The following MAML2 variants were observed in gnomAD, a reference collection of about 807,000 sequenced individuals.
MAML2 encodes mastermind like transcriptional coactivator 2.
MAML2 carries 22 observed loss-of-function variants against 96.1 expected under a neutral mutation model. The observed-to-expected ratio is 0.23, with a 90% CI of 0.16 to 0.33. The LOEUF is 0.33. Among genes scored for constraint, MAML2 ranks in the 10% least tolerant of loss-of-function variants. The pLI is 1.00. For missense variants in MAML2, 1,367 were observed against 1,392.4 expected, an observed-to-expected ratio of 0.98 and a Z score of 0.29; for synonymous variants, 561 against 521.3, an observed-to-expected ratio of 1.08 and a Z score of -1.04.
chr11:96,326,358 CGTGTGT>C (rs35138919), intron 1 of MAML2, among the ~76,000 whole-genome samples: 8,206 of 147,690 alleles, frequency 0.056, 391 homozygotes, highest in East Asian at 0.26. Context: ...CACACTAAAG[CGTGTGT>C]GTGTGTGTGT....
chr11:96,004,276 G>GA (rs11433984), intron 2 of MAML2, among the ~76,000 whole-genome samples: 37,194 of 151,978 alleles, frequency 0.24, 4,937 homozygotes, highest in East Asian at 0.44. Context: ...GGAGTCTAAA[G>GA]AGGGGTAAAT....
intron 1 of MAML2, among the ~76,000 whole-genome samples, chr11:96,288,324 C>G (rs1863166281): frequency 6.6e-6 from 1 of 151,892 alleles, no homozygotes; most frequent in South Asian, 2.1e-4. Context: ...GGTGGATCAC[C>G]TGAGGTCAGG....
rs189277030 is a variant in MAML2 at position 96,331,523 on chromosome 11, G to A, written c.513+9860C>T. ...AAAAAAATGAGCTTTAAGGCCAGGCGCAGTGCCTCACGCCTGTAATCCCAG... is the reference window on the plus strand; with the variant it reads ...AAAAAAATGAGCTTTAAGGCCAGGCACAGTGCCTCACGCCTGTAATCCCAG... On this transcript the variant is annotated intron_variant, in intron 1 of 4. Coordinates refer to ENST00000524717, the MANE Select transcript of MAML2 (RefSeq NM_032427.4). Among the ~76,000 whole-genome samples the A allele has an allele frequency of 3.4e-3, 521 of 152,036 alleles. 3 individuals carry two copies. The highest frequency in any genetic ancestry group is 0.017 in the Middle Eastern group (5 of 294).
At chr11:96,070,215 G>A (rs576679739) in intron 2 of MAML2, among the ~76,000 whole-genome samples, 36 of 151,992 alleles carry the variant, frequency 2.4e-4, no homozygotes, top group Admixed American at 3.9e-4. Flanking sequence ...GCGTGAACCC[G>A]GAAGGCAGAG....
In MAML2 at chr11:96,075,152, T is replaced by G. The variant is rs1041856978; in HGVS notation, c.2139+16740A>C. Among the ~76,000 whole-genome samples, 18 of 152,338 alleles carry G rather than the reference T, an allele frequency of 1.2e-4. No homozygotes were observed. The East Asian group carries it at 3.1e-3, about 26-fold the overall frequency. The stretch of plus-strand genomic sequence containing the variant: ...TAATACATAGATTCCCTAGAGAGGA[T>G]ATTGATAATATTTCATGTTTTCCTC... On this transcript the variant is annotated intron_variant, in intron 2 of 4. Transcript: ENST00000524717.
intron 1 of MAML2, among the ~76,000 whole-genome samples, chr11:96,282,850 C>T (rs1177678323): frequency 1.3e-5 from 2 of 152,202 alleles, no homozygotes; most frequent in African/African-American, 4.8e-5. Flanking sequence ...CAGTCATCCT[C>T]CTCCTTCTCC....
intron 2 of MAML2, among the ~76,000 whole-genome samples, chr11:96,072,169 T>C (rs889158900): frequency 6.6e-6 from 1 of 152,216 alleles, no homozygotes; most frequent in Non-Finnish European, 1.5e-5. Context: ...ATTTCCAACA[T>C]GCAGTGTTCT....
chr11:96,338,141 G>A (rs778895179), intron 1 of MAML2, among the ~76,000 whole-genome samples: 1 of 152,236 alleles, frequency 6.6e-6, no homozygotes, highest in Admixed American at 6.5e-5. Flanking sequence ...GATTAATAAT[G>A]TACCACAGAA....
chr11:96,139,794 A>G (rs958930311), intron 1 of MAML2, among the ~76,000 whole-genome samples: 2 of 152,200 alleles, frequency 1.3e-5, no homozygotes, highest in African/African-American at 2.4e-5. Flanking sequence ...AAAGACCAAA[A>G]TAATACAAAA....
At chr11:96,166,453 C>T (rs183568390) in intron 1 of MAML2, among the ~76,000 whole-genome samples, 11 of 152,262 alleles carry the variant, frequency 7.2e-5, no homozygotes, top group African/African-American at 2.6e-4. Context: ...TGTTTCTGCT[C>T]TGAGGGTGTG....
intron 1 of MAML2, among the ~76,000 whole-genome samples, chr11:96,260,423 A>C (rs1862732144): frequency 6.6e-6 from 1 of 152,154 alleles, no homozygotes; most frequent in South Asian, 2.1e-4. Flanking sequence ...CTAAAGCAAT[A>C]CATTTTTTTC....
chr11:96,237,716 T>C lies in MAML2; in HGVS notation c.513+103667A>G, dbSNP rs1862383718. On this transcript the variant is annotated intron_variant, in intron 1 of 4. Coordinates refer to ENST00000524717, the MANE Select transcript of MAML2 (RefSeq NM_032427.4). ...GTAATTGTCGTGTATTGAATCTGGC[T>C]GTGGATACAACACATTCGGAAAACT... is the stretch of plus-strand genomic sequence containing the variant. Among the ~76,000 whole-genome samples the C allele has an allele frequency of 5.2e-5, 8 of 152,382 alleles. 1 individual carries two copies. The South Asian group carries it at 1.7e-3, about 32-fold the overall frequency.
chr11:96,203,568 G>A (rs1861855516), intron 1 of MAML2, among the ~76,000 whole-genome samples: 1 of 152,268 alleles, frequency 6.6e-6, no homozygotes, highest in South Asian at 2.1e-4. Context: ...ACAAAAAAAA[G>A]TAAAAGAAAA....
chr11:96,308,773 T>G (rs1033959052), intron 1 of MAML2, among the ~76,000 whole-genome samples: 1 of 152,238 alleles, frequency 6.6e-6, no homozygotes, highest in Non-Finnish European at 1.5e-5. Context: ...TTTGCTTGTT[T>G]CTTATATGTC....
intron 3 of MAML2, among the ~76,000 whole-genome samples, chr11:95,990,146 T>C (rs1857887886): frequency 6.6e-6 from 1 of 152,188 alleles, no homozygotes; most frequent in African/African-American, 2.4e-5. Flanking sequence ...TCTCTTACTT[T>C]TTATACTTTT....
intron 1 of MAML2, among the ~76,000 whole-genome samples, chr11:96,126,685 T>C (rs768388254): frequency 3.9e-5 from 6 of 152,176 alleles, no homozygotes; most frequent in Non-Finnish European, 8.8e-5. Flanking sequence ...AATTGGATCT[T>C]AGAGACTGGG....
intron 1 of MAML2, among the ~76,000 whole-genome samples, chr11:96,162,372 C>T (rs1286948758): frequency 1.3e-5 from 2 of 151,482 alleles, no homozygotes; most frequent in East Asian, 1.9e-4. Context: ...CCAGATCTAG[C>T]GATTGCTATG....
intron 1 of MAML2, among the ~76,000 whole-genome samples, chr11:96,120,051 A>T (rs12795567): frequency 2.1e-5 from 3 of 144,012 alleles, no homozygotes; most frequent in Admixed American, 7.3e-5. Flanking sequence ...TCCGCCTCCC[A>T]GGTTCACGCC....
intron 1 of MAML2, among the ~76,000 whole-genome samples, chr11:96,217,541 T>C (rs955554256): frequency 1.3e-5 from 2 of 152,230 alleles, no homozygotes; most frequent in African/African-American, 2.4e-5. Flanking sequence ...TCTGTGTTTT[T>C]GCTCTATGGT....
Sources: gnomAD v4.1 joint callset for allele counts (sites outside exome capture counted in the v4.1 genomes callset) on GRCh38, gnomAD v4.1.1 for gene constraint, MANE v1.5 for transcripts, NCBI Gene and HGNC (gene_info 2026-07-23, HGNC 2026-07-21) for gene names.